Variants in BAIAP2 observed in about 807,000 individuals in gnomAD.
The protein encoded by BAIAP2 is BAR/IMD domain containing adaptor protein 2.
Under a neutral mutation model 63.0 loss-of-function variants are expected in BAIAP2, and 18 were observed. The observed-to-expected ratio is 0.29, with a 90% CI of 0.20 to 0.42. The LOEUF is 0.42. Among genes scored for constraint, BAIAP2 ranks in the 10% least tolerant of loss-of-function variants. The probability of loss-of-function intolerance (pLI) is 1.00; values close to 1 mark genes in which losing one functional copy is unlikely to be tolerated. For synonymous variants in BAIAP2, 386 were observed against 307.6 expected, an observed-to-expected ratio of 1.25 and a Z score of -2.67; for missense variants, 610 against 734.3, an observed-to-expected ratio of 0.83 and a Z score of 1.96.
chr17:81,061,533 CT>C (rs949658825), intron 3 of BAIAP2, among the ~76,000 whole-genome samples: 1 of 152,146 alleles, frequency 6.6e-6, no homozygotes, highest in Non-Finnish European at 1.5e-5. Context: ...GGCGTGTCTT[CT>C]TTTTTTGTCC....
chr17:81,095,402 C>CTCCCCG (rs777559857), intron 6 of BAIAP2, among the ~76,000 whole-genome samples: 3 of 152,204 alleles, frequency 2.0e-5, no homozygotes, highest in Non-Finnish European at 4.4e-5. Context: ...ACCTCCTCTC[C>CTCCCCG]TCCCCGTCCC....
At chr17:81,074,358 ATG>A (rs1358349170) in intron 3 of BAIAP2, among the ~76,000 whole-genome samples, 2 of 150,534 alleles carry the variant, frequency 1.3e-5, no homozygotes, top group Admixed American at 1.3e-4. Flanking sequence ...GCACTGGTAC[ATG>A]TGTCACTGTG....
At chr17:81,071,008 C>T (rs1302998352) in intron 3 of BAIAP2, among the ~76,000 whole-genome samples, 4 of 152,218 alleles carry the variant, frequency 2.6e-5, no homozygotes, top group Non-Finnish European at 4.4e-5. Context: ...AGCCTTGACA[C>T]CAAGGTGGCT....
At chr17:81,042,280 C>T (rs2047190941) in intron 1 of BAIAP2, among the ~76,000 whole-genome samples, 1 of 151,638 alleles carries the variant, frequency 6.6e-6, no homozygotes, top group Admixed American at 6.6e-5. Flanking sequence ...GTAGCTAGGA[C>T]CACAGGCGTG....
chr17:81,046,031 T>C lies in BAIAP2; in HGVS notation c.55-7637T>C, dbSNP rs1466858488. On this transcript the variant is annotated intron_variant, in intron 1 of 13. Coordinates refer to ENST00000428708, the MANE Select transcript of BAIAP2 (RefSeq NM_001144888.2). This position sits in a 1 kb window ranked among gnomAD's most constrained non-coding sequence, Gnocchi z 4.5. The stretch of plus-strand genomic sequence containing the variant: ...GGGGGCCCCTGGCACGGCAGAGGGG[T>C]TTGGCCACCCAGTTTTCTTCTCCCC... Among the ~76,000 whole-genome samples, 1 of 151,894 alleles carries C rather than the reference T, an allele frequency of 6.6e-6. No individual in the cohort carries two copies. The highest frequency in any genetic ancestry group is 1.9e-4 in the East Asian group (1 of 5,150).
At chr17:81,056,740 G>A (rs556736908) in intron 2 of BAIAP2, among the ~76,000 whole-genome samples, 1 of 152,358 alleles carries the variant, frequency 6.6e-6, no homozygotes, top group African/African-American at 2.4e-5. Context: ...GAATGAGCTC[G>A]GCCGTCCAGG....
chr17:81,037,502 A>G (rs1223404521), intron 1 of BAIAP2, among the ~76,000 whole-genome samples: 1 of 152,172 alleles, frequency 6.6e-6, no homozygotes, highest in Non-Finnish European at 1.5e-5. Context: ...AGCTTTTGGC[A>G]ATGTCAGCCA....
chr17:81,101,011 G>T (rs148043131), intron 7 of BAIAP2, among the ~76,000 whole-genome samples: 271 of 152,200 alleles, frequency 1.8e-3, no homozygotes, highest in Non-Finnish European at 2.9e-3. Flanking sequence ...TCCTTGGGCC[G>T]GTAGACTCTT....
chr17:81,105,199 CTCCCCCACATGGCTGTTGTCT>C (rs563397428), intron 10 of BAIAP2: 138 of 168,004 alleles, frequency 8.2e-4, no homozygotes, highest in Non-Finnish European at 1.4e-3. Context: ...TGGCTCGGGT[CTCCCCCACATGGCTGTTGTCT>C]TCCCCCATGG....
At chr17:81,047,602 C>A (rs957529479) in intron 1 of BAIAP2, among the ~76,000 whole-genome samples, 3 of 149,760 alleles carry the variant, frequency 2.0e-5, no homozygotes, top group Non-Finnish European at 4.5e-5. Context: ...CACGGGTCCA[C>A]GTGTGTCCAG....
chr17:81,066,731 T>C (rs955356367), intron 3 of BAIAP2, among the ~76,000 whole-genome samples: 1 of 152,184 alleles, frequency 6.6e-6, no homozygotes, highest in African/African-American at 2.4e-5. Context: ...CTCATGTCAC[T>C]CACCTGGTAG....
intron 13 of BAIAP2, chr17:81,109,465 G>A (rs934128594): frequency 2.1e-5 from 21 of 986,654 alleles, no homozygotes; most frequent in African/African-American, 1.6e-4. Context: ...CATGGACTCC[G>A]GTGTGCGCTG....
intron 3 of BAIAP2, 53 bp downstream of exon 3, chr17:81,058,020 C>A: frequency 7.6e-7 from 1 of 1,317,970 alleles, no homozygotes. Context: ...CCTCAGGCAG[C>A]TCTGGGGCCC....
At chr17:81,091,494 G>A (rs1054984270) in intron 6 of BAIAP2, among the ~76,000 whole-genome samples, 14 of 152,100 alleles carry the variant, frequency 9.2e-5, no homozygotes, top group Admixed American at 2.6e-4. Flanking sequence ...TCCCTGCCTC[G>A]GTCCCTGGAC....
At chr17:81,080,020 C>T (rs1000241512) in intron 3 of BAIAP2, among the ~76,000 whole-genome samples, 3 of 152,218 alleles carry the variant, frequency 2.0e-5, no homozygotes, top group Non-Finnish European at 4.4e-5. Flanking sequence ...GCTGTGGAGC[C>T]CTCGCTACTC....
At position 81,104,503 on chromosome 17, in the gene BAIAP2, T is replaced by C. The variant is rs2145922707; in HGVS notation, c.1067-11T>C. The C allele has an allele frequency of 4.4e-6, 7 of 1,582,968 alleles. No homozygotes were observed. Among genetic ancestry groups the C allele is most frequent in the East Asian group, 2.3e-5 (1 of 44,236 alleles). On this transcript the variant is annotated splice_polypyrimidine_tract_variant and intron_variant, in intron 9 of 13. Transcript: ENST00000428708. ...AGGGGCAGTCCCCTTACCTGTCCCT[T>C]GTCCCAGCAGCCGAGAACAAGACTC...
chr17:81,115,814 A>G lies in BAIAP2; in HGVS notation c.1580A>G (p.Asp527Gly). The G allele has an allele frequency of 6.2e-7, 1 of 1,613,524 alleles. No individual in the cohort carries two copies. The highest frequency in any genetic ancestry group is 8.5e-7 in the Non-Finnish European group (1 of 1,180,018). Residue 527 changes from aspartate to glycine, a missense_variant, in exon 14 of 14, where the codon GAC becomes GGC. By Grantham distance (94) the Asp-to-Gly change is moderately conservative. Coordinates refer to ENST00000428708, the MANE Select transcript of BAIAP2 (RefSeq NM_001144888.2). ...HVQLKPTVTN[D>G]RSAPLLS ...CAGCTGAAGCCGACAGTGACCAACG[A>G]CAGGTCTGCCCCCCTCCTCAGCTGA...
intron 1 of BAIAP2, among the ~76,000 whole-genome samples, chr17:81,041,801 A>G (rs902669141): frequency 6.6e-6 from 1 of 151,970 alleles, no homozygotes; most frequent in African/African-American, 2.4e-5. Context: ...CGAACTCCCA[A>G]CCTCAGGTGA....
At position 81,105,927 on chromosome 17, in the gene BAIAP2, C is replaced by A. The variant is rs987537295; in HGVS notation, c.1269-151C>A. 7 of 660,478 alleles carry A rather than the reference C, an allele frequency of 1.1e-5. No homozygotes were observed. In the African/African-American group the frequency reaches 1.3e-4, roughly 12 times the overall value. The allele number at this position is 660,478 out of a possible 1,614,324, so 40.9% of individuals were successfully genotyped here. On this transcript the variant is annotated intron_variant, in intron 10 of 13. Coordinates refer to ENST00000428708, the MANE Select transcript of BAIAP2 (RefSeq NM_001144888.2). ...GCACACAGTGGGAGCGGGCTGCGGT[C>A]TTTGTCTCCCTGGAGCACTGTCTCT...
Sources: gnomAD v4.1 joint callset for allele counts (sites outside exome capture counted in the v4.1 genomes callset) on GRCh38, gnomAD v4.1.1 for gene constraint, Gnocchi (gnomAD v3.1) non-coding constraint, MANE v1.5 for transcripts, NCBI Gene and HGNC (gene_info 2026-07-23, HGNC 2026-07-21) for gene names.